Variants in NTM observed in about 807,000 individuals in gnomAD.
NTM encodes IgLON family member 2.
NTM carries 13 observed loss-of-function variants against 42.1 expected under a neutral mutation model. The ratio of observed to expected loss-of-function variants is 0.31; its 90% CI spans 0.20 to 0.49. The LOEUF is 0.49. Among genes scored for constraint, NTM ranks in the 20% least tolerant of loss-of-function variants. The probability of loss-of-function intolerance (pLI) is 0.99; values close to 1 mark genes in which losing one functional copy is unlikely to be tolerated. For synonymous variants in NTM, 187 were observed against 179.2 expected, an observed-to-expected ratio of 1.04 and a Z score of -0.35; for missense variants, 373 against 452.8, an observed-to-expected ratio of 0.82 and a Z score of 1.60.
intron 1 of NTM, among the ~76,000 whole-genome samples, chr11:131,610,950 C>T (rs774711275): frequency 2.0e-4 from 30 of 152,088 alleles, no homozygotes; most frequent in Non-Finnish European, 4.4e-4. Flanking sequence ...CTGGTGAAAG[C>T]GTGCAGAATC....
At chr11:131,902,166 A>C (rs569837499) in intron 1 of NTM, among the ~76,000 whole-genome samples, 1 of 152,366 alleles carries the variant, frequency 6.6e-6, no homozygotes, top group Non-Finnish European at 1.5e-5. Context: ...AGAGTCAATA[A>C]GTTTGTCAGA....
At chr11:131,528,666 C>A (rs533531972) in intron 1 of NTM, among the ~76,000 whole-genome samples, 1 of 152,152 alleles carries the variant, frequency 6.6e-6, no homozygotes, top group Non-Finnish European at 1.5e-5. Flanking sequence ...AATAATTGAG[C>A]TCATTCTTTT....
At chr11:132,254,607 A>G (rs951220964) in intron 4 of NTM, among the ~76,000 whole-genome samples, 6 of 151,780 alleles carry the variant, frequency 4.0e-5, no homozygotes, top group African/African-American at 9.7e-5. Flanking sequence ...ACCTCTTTGT[A>G]TATTTTTCTT....
chr11:131,717,985 AGTTT>A (rs1370468175), intron 1 of NTM, among the ~76,000 whole-genome samples: 3 of 152,140 alleles, frequency 2.0e-5, no homozygotes, highest in African/African-American at 7.2e-5. Context: ...TTCTTATTTT[AGTTT>A]GTTAATATGA....
chr11:132,293,676 G>T (rs928307393), intron 4 of NTM, among the ~76,000 whole-genome samples: 2 of 147,456 alleles, frequency 1.4e-5, no homozygotes, highest in South Asian at 2.2e-4. Context: ...GAAATGTAAG[G>T]TTTTTTTTTT....
chr11:132,168,814 C>T (rs376183272), intron 3 of NTM, among the ~76,000 whole-genome samples: 6 of 152,046 alleles, frequency 3.9e-5, no homozygotes, highest in Non-Finnish European at 8.8e-5. Context: ...GGGAGGAGCC[C>T]GGAGTTGAGA....
intron 1 of NTM, among the ~76,000 whole-genome samples, chr11:131,482,663 T>A (rs1338187021): frequency 1.3e-5 from 2 of 152,216 alleles, no homozygotes; most frequent in African/African-American, 4.8e-5. Context: ...ATCCTTTCCC[T>A]ATACCTCCAA....
chr11:131,842,199 A>G (rs2044344943), intron 1 of NTM, among the ~76,000 whole-genome samples: 1 of 152,214 alleles, frequency 6.6e-6, no homozygotes, highest in Non-Finnish European at 1.5e-5. Context: ...GGAACTGGTC[A>G]GATCTTGCAA....
chr11:132,073,701 C>T (rs1251499850), intron 2 of NTM, among the ~76,000 whole-genome samples: 1 of 152,142 alleles, frequency 6.6e-6, no homozygotes, highest in East Asian at 1.9e-4. Context: ...GTCCAGGAGT[C>T]CAGGTTCCTG....
chr11:131,394,351 T>A (rs1420106415), intron 1 of NTM, among the ~76,000 whole-genome samples: 1 of 152,152 alleles, frequency 6.6e-6, no homozygotes, highest in African/African-American at 2.4e-5. Flanking sequence ...CCCAGGGAGA[T>A]TCCCCACCCC....
intron 1 of NTM, among the ~76,000 whole-genome samples, chr11:131,524,975 G>T (rs886743707): frequency 2.6e-5 from 4 of 152,162 alleles, no homozygotes; most frequent in Non-Finnish European, 5.9e-5. Flanking sequence ...CTGCACACAG[G>T]AAACCTGGTA....
At chr11:131,800,702 C>T (rs2092029790) in intron 1 of NTM, among the ~76,000 whole-genome samples, 1 of 152,150 alleles carries the variant, frequency 6.6e-6, no homozygotes, top group Non-Finnish European at 1.5e-5. Flanking sequence ...TCTTCCTTCT[C>T]CCCCGCTCTA....
At chr11:132,209,863 C>G (rs548110221) in intron 3 of NTM, among the ~76,000 whole-genome samples, 1 of 152,186 alleles carries the variant, frequency 6.6e-6, no homozygotes, top group African/African-American at 2.4e-5. Context: ...GTACAGCACA[C>G]GCTTATTAAT....
chr11:132,021,545 TTA>T (rs1441584509), intron 2 of NTM, among the ~76,000 whole-genome samples: 10 of 152,208 alleles, frequency 6.6e-5, no homozygotes. Flanking sequence ...TTTTTTCTGT[TTA>T]TGTCTTTCCT....
chr11:132,196,716 A>G (rs2080277781), intron 3 of NTM, among the ~76,000 whole-genome samples: 1 of 152,164 alleles, frequency 6.6e-6, no homozygotes, highest in Non-Finnish European at 1.5e-5. Flanking sequence ...AGTGGGAGCT[A>G]CACATTGAAT....
At chr11:131,640,591 C>T (rs2065012088) in intron 1 of NTM, among the ~76,000 whole-genome samples, 1 of 152,138 alleles carries the variant, frequency 6.6e-6, no homozygotes, top group Non-Finnish European at 1.5e-5. Flanking sequence ...TGTGAGACTT[C>T]GAGTCCAGAG....
At chr11:131,488,034 G>T (rs113548961) in intron 1 of NTM, among the ~76,000 whole-genome samples, 1,603 of 152,254 alleles carry the variant, frequency 0.011, 18 homozygotes, top group African/African-American at 0.035. Flanking sequence ...CCAGTGCCTG[G>T]TCCTTCTTCA....
At chr11:132,056,333 C>T (rs1314411727) in intron 2 of NTM, among the ~76,000 whole-genome samples, 1 of 152,114 alleles carries the variant, frequency 6.6e-6, no homozygotes, top group Non-Finnish European at 1.5e-5. Flanking sequence ...TCCCCTATCC[C>T]CAAAATAGCA....
At chr11:131,466,830 TTTAA>T (rs1296409532) in intron 1 of NTM, among the ~76,000 whole-genome samples, 3 of 152,200 alleles carry the variant, frequency 2.0e-5, no homozygotes, top group African/African-American at 7.2e-5. Flanking sequence ...TTTCTCTTCT[TTTAA>T]TTTATTTTTA....
Sources: allele counts gnomAD v4.1 joint callset (sites outside exome capture counted in the v4.1 genomes callset), GRCh38; gene constraint gnomAD v4.1.1; transcripts MANE v1.5; gene names NCBI Gene and HGNC (gene_info 2026-07-23, HGNC 2026-07-21).